The following CMIP variants were observed in gnomAD, a reference collection of about 807,000 sequenced individuals.
CMIP encodes the protein c-Maf inducing protein.
A neutral mutation model predicts 97.3 loss-of-function variants in CMIP; 13 were observed. That is an observed-to-expected ratio of 0.13 (90% CI 0.09 to 0.21). The LOEUF (loss-of-function observed/expected upper bound fraction) is 0.21. CMIP is among the 10% of genes least tolerant of loss of function. The pLI is 1.00. For missense variants in CMIP, 847 were observed against 1,024.9 expected (o/e 0.83, Z 2.37); for synonymous variants, 538 against 436.3 (o/e 1.23, Z -2.91).
chr16:81,558,338 G>A (rs2090809569), intron 1 of CMIP, among the ~76,000 whole-genome samples: 2 of 152,168 alleles, frequency 1.3e-5, no homozygotes, highest in South Asian at 2.1e-4. Flanking sequence ...AGTGAACGTA[G>A]GTTTACAGGT....
chr16:81,700,180 A>G (rs1597269502), intron 15 of CMIP, among the ~76,000 whole-genome samples: 1 of 152,136 alleles, frequency 6.6e-6, no homozygotes, highest in South Asian at 2.1e-4. Flanking sequence ...AGATGGGGCC[A>G]GGTTGGGTTA....
intron 1 of CMIP, among the ~76,000 whole-genome samples, chr16:81,478,249 T>G (rs1444886944): frequency 6.6e-6 from 1 of 152,128 alleles, no homozygotes; most frequent in Non-Finnish European, 1.5e-5. Flanking sequence ...GCCACTCACA[T>G]GTAGCACAGT....
At chr16:81,500,239 T>TTTCCTTCC (rs1458286623) in intron 1 of CMIP, among the ~76,000 whole-genome samples, 3 of 104,316 alleles carry the variant, frequency 2.9e-5, no homozygotes, top group Non-Finnish European at 4.0e-5. Flanking sequence ...TTTATCAAAA[T>TTTCCTTCC]TTCCTTCCTT....
At chr16:81,499,332 A>C (rs1219782293) in intron 1 of CMIP, among the ~76,000 whole-genome samples, 1 of 152,170 alleles carries the variant, frequency 6.6e-6, no homozygotes, top group African/African-American at 2.4e-5. Flanking sequence ...TTGTCTCTGC[A>C]CACACACACC....
chr16:81,475,073 C>T (rs1469802457), intron 1 of CMIP, among the ~76,000 whole-genome samples: 1 of 152,186 alleles, frequency 6.6e-6, no homozygotes, highest in Non-Finnish European at 1.5e-5. Flanking sequence ...GTCAGCATGG[C>T]TGGCCCTCTG....
At chr16:81,662,973 T>G (rs1287078550) in intron 6 of CMIP, among the ~76,000 whole-genome samples, 1 of 152,154 alleles carries the variant, frequency 6.6e-6, no homozygotes, top group Non-Finnish European at 1.5e-5. Flanking sequence ...AGAAGTCTCA[T>G]TATATATTAA....
chr16:81,579,102 C>T (rs1412790181), intron 1 of CMIP, among the ~76,000 whole-genome samples: 1 of 152,216 alleles, frequency 6.6e-6, no homozygotes, highest in East Asian at 1.9e-4. Context: ...AGGGCAAGCA[C>T]CCTCGCCTCT....
intron 1 of CMIP, chr16:81,606,986 G>T (rs564170591): frequency 6.4e-6 from 1 of 155,184 alleles, no homozygotes; most frequent in Non-Finnish European, 1.5e-5. Flanking sequence ...AGATGCCGCC[G>T]AGAGGCGGGA....
At chr16:81,479,265 G>C (rs543075536) in intron 1 of CMIP, among the ~76,000 whole-genome samples, 2 of 152,338 alleles carry the variant, frequency 1.3e-5, no homozygotes, top group African/African-American at 4.8e-5. Context: ...CCTATGGTAA[G>C]GAGGTGGGGG....
At chr16:81,572,395 G>T (rs1231154138) in intron 1 of CMIP, among the ~76,000 whole-genome samples, 1 of 152,194 alleles carries the variant, frequency 6.6e-6, no homozygotes, top group Non-Finnish European at 1.5e-5. Flanking sequence ...GTAGGGTGGG[G>T]GCGTGCGAGG....
At chr16:81,645,600 T>A (rs528105282) in intron 3 of CMIP, 101 of 1,535,784 alleles carry the variant, frequency 6.6e-5, no homozygotes, top group Non-Finnish European at 8.2e-5. Context: ...GTTGCCCAGG[T>A]AACGTCCCTT....
chr16:81,647,982 C>T (rs1249673787), intron 3 of CMIP, among the ~76,000 whole-genome samples: 1 of 86,124 alleles, frequency 1.2e-5, no homozygotes, highest in East Asian at 3.6e-4. Flanking sequence ...ACCCTCCCCC[C>T]ACACCCGCAG....
rs534515203 is a variant in CMIP, at chr16:81,488,234, G to T, written c.300+42693G>T. On this transcript the variant is annotated intron_variant, in intron 1 of 20. Coordinates refer to ENST00000537098, the MANE Select transcript of CMIP (RefSeq NM_198390.3). ...AGCTGAGAGAGTGCGACCGTAGGGG[G>T]TTAAGGGCTCATATTCCAGAGCCAG... is the stretch of plus-strand genomic sequence containing the variant. Among the ~76,000 whole-genome samples the T allele has an allele frequency of 6.6e-5, 10 of 152,220 alleles. No individual in the cohort carries two copies. The South Asian group carries it at 2.1e-3, about 32-fold the overall frequency.
intron 8 of CMIP, among the ~76,000 whole-genome samples, chr16:81,670,593 C>G (rs1054439990): frequency 2.5e-5 from 3 of 118,232 alleles, no homozygotes; most frequent in African/African-American, 9.8e-5. Context: ...ACTTTTGGTT[C>G]TTGGGGTTGG....
intron 1 of CMIP, among the ~76,000 whole-genome samples, chr16:81,573,758 C>T (rs1597104269): frequency 6.6e-6 from 1 of 152,172 alleles, no homozygotes; most frequent in Non-Finnish European, 1.5e-5. Flanking sequence ...TCATTCCTAC[C>T]TCCCTGGGTG....
At chr16:81,564,042 C>T (rs2090934799) in intron 1 of CMIP, among the ~76,000 whole-genome samples, 1 of 152,256 alleles carries the variant, frequency 6.6e-6, no homozygotes, top group Non-Finnish European at 1.5e-5. Flanking sequence ...TTCGTCCTCT[C>T]CTTCTACCTA....
intron 10 of CMIP, 65 bp downstream of exon 10, chr16:81,678,693 G>T (rs190810791): frequency 5.2e-5 from 39 of 746,098 alleles, no homozygotes; most frequent in African/African-American, 5.0e-4. Flanking sequence ...TTGCTGCTGG[G>T]TGCGGCTGTG....
At chr16:81,459,768 A>T (rs1426665280) in intron 1 of CMIP, among the ~76,000 whole-genome samples, 2 of 152,018 alleles carry the variant, frequency 1.3e-5, no homozygotes, top group Non-Finnish European at 2.9e-5. Flanking sequence ...CCTGCCTTTG[A>T]TCCCCCACTC....
At chr16:81,488,600 C>A (rs1019935775) in intron 1 of CMIP, among the ~76,000 whole-genome samples, 1 of 152,128 alleles carries the variant, frequency 6.6e-6, no homozygotes, top group African/African-American at 2.4e-5. Context: ...CATGCCTGTT[C>A]CTTCCCCCAT....
Sources: gnomAD v4.1 joint callset for allele counts (sites outside exome capture counted in the v4.1 genomes callset) on GRCh38, gnomAD v4.1.1 for gene constraint, MANE v1.5 for transcripts, NCBI Gene and HGNC (gene_info 2026-07-23, HGNC 2026-07-21) for gene names.